The following ZCCHC14 variants were observed in gnomAD, a reference collection of about 807,000 sequenced individuals.
The protein encoded by ZCCHC14 is zinc finger CCHC-type containing 14, also known as zinc finger CCHC domain-containing protein 14.
Under a neutral mutation model 85.0 loss-of-function variants are expected in ZCCHC14, and 16 were observed. The observed-to-expected ratio is 0.19, with a 90% CI of 0.13 to 0.29. The LOEUF (loss-of-function observed/expected upper bound fraction) is 0.29, where lower values mean the gene tolerates loss of function less well. Among genes scored for constraint, ZCCHC14 ranks in the 10% least tolerant of loss-of-function variants. ZCCHC14 has a pLI of 1.00. For missense variants in ZCCHC14, 1,303 were observed against 1,443.5 expected (o/e 0.90, Z 1.58); for synonymous variants, 775 against 630.7 (o/e 1.23, Z -3.43).
chr16:87,421,907 C>G (rs1031057645), intron 4 of ZCCHC14, among the ~76,000 whole-genome samples: 2 of 151,492 alleles, frequency 1.3e-5, no homozygotes, highest in African/African-American at 4.9e-5. Flanking sequence ...GTCTGACATT[C>G]AGTCAACATT....
intron 5 of ZCCHC14, 111 bp from the exon 6 acceptor site, chr16:87,419,988 G>C (rs113799975): frequency 1.3e-5 from 10 of 746,560 alleles, no homozygotes; most frequent in South Asian, 2.1e-5. Flanking sequence ...GAGGAAAAAA[G>C]CCAGAAGTGC....
intron 2 of ZCCHC14, among the ~76,000 whole-genome samples, chr16:87,443,977 C>T (rs1910308805): frequency 7.2e-6 from 1 of 138,460 alleles, no homozygotes; most frequent in Non-Finnish European, 1.5e-5. Context: ...GCGGAGATTA[C>T]AGTGAGCCAA....
chr16:87,484,415 G>A (rs1488068402), intron 1 of ZCCHC14, among the ~76,000 whole-genome samples: 8 of 152,182 alleles, frequency 5.3e-5, no homozygotes, highest in African/African-American at 1.7e-4. Context: ...AAAGAGGTTC[G>A]AGGCAAAAGG....
At chr16:87,474,087 C>T (rs1347010008) in intron 1 of ZCCHC14, 1 of 152,328 alleles carries the variant, frequency 6.6e-6, no homozygotes, top group African/African-American at 2.4e-5. Flanking sequence ...AGATTTACCT[C>T]CCACTGCAGC....
chr16:87,417,997 C>A, intron 7 of ZCCHC14: 2 of 491,920 alleles, frequency 4.1e-6, no homozygotes, highest in Non-Finnish European at 7.2e-6. Context: ...CATATACACA[C>A]ACATGCCTCT....
chr16:87,470,982 AAT>A (rs1351209742), intron 1 of ZCCHC14: 1 of 152,202 alleles, frequency 6.6e-6, no homozygotes, highest in South Asian at 2.1e-4. Flanking sequence ...ACAAGATGTG[AAT>A]GATATGAAAA....
chr16:87,427,600 G>C (rs192100823), intron 3 of ZCCHC14, among the ~76,000 whole-genome samples: 249 of 152,208 alleles, frequency 1.6e-3, no homozygotes, highest in African/African-American at 5.6e-3. Flanking sequence ...TGACTTTAAA[G>C]GATGGTTTAA....
At chr16:87,423,203 C>A (rs571780413) in intron 4 of ZCCHC14, among the ~76,000 whole-genome samples, 6 of 152,146 alleles carry the variant, frequency 3.9e-5, no homozygotes, top group Non-Finnish European at 8.8e-5. Flanking sequence ...CACATGCACA[C>A]GGAGGCAAAG....
chr16:87,418,682 T>C (rs1016589881), intron 7 of ZCCHC14, among the ~76,000 whole-genome samples, 165 bp downstream of exon 7: 1 of 152,226 alleles, frequency 6.6e-6, no homozygotes, highest in Non-Finnish European at 1.5e-5. Context: ...GAGAACTCTT[T>C]TTTTGGAAAT....
At position 87,445,894 on chromosome 16, in the gene ZCCHC14, G is replaced by A. The variant is rs145631377; in HGVS notation, c.695-12693C>T. Among the ~76,000 whole-genome samples, 862 of 152,188 alleles carry A rather than the reference G, an allele frequency of 5.7e-3. 6 individuals carry two copies. Among genetic ancestry groups the A allele is most frequent in the African/African-American group, 0.018 (761 of 41,524 alleles). ...ATTAAAGAAGATTCCATCTAATTACGCATGCTGTTTGGAAATCAACCTATT... is the reference window on the plus strand; with the variant it reads ...ATTAAAGAAGATTCCATCTAATTACACATGCTGTTTGGAAATCAACCTATT... On this transcript the variant is annotated intron_variant, in intron 2 of 12. Coordinates refer to ENST00000671377, the MANE Select transcript of ZCCHC14 (RefSeq NM_015144.3).
chr16:87,462,557 G>C (rs11647751), intron 1 of ZCCHC14, among the ~76,000 whole-genome samples: 1 of 151,188 alleles, frequency 6.6e-6, no homozygotes, highest in Non-Finnish European at 1.5e-5. Context: ...TGGCTAACAC[G>C]GTGAAACCCC....
intron 1 of ZCCHC14, among the ~76,000 whole-genome samples, chr16:87,461,809 G>A (rs569422252): frequency 6.6e-5 from 10 of 152,306 alleles, no homozygotes; most frequent in Admixed American, 5.2e-4. Flanking sequence ...AGTCCATAGC[G>A]AGATCCTCTG....
At chr16:87,413,293 C>A in intron 10 of ZCCHC14, 98 bp from the exon 11 acceptor site, 1 of 1,414,526 alleles carries the variant, frequency 7.1e-7, no homozygotes, top group Non-Finnish European at 9.3e-7. Flanking sequence ...GTGCTCCTTC[C>A]AGGGAAACGC....
chr16:87,418,027 C>G, intron 7 of ZCCHC14: 1 of 452,008 alleles, frequency 2.2e-6, no homozygotes, highest in South Asian at 5.4e-5. Context: ...TCGGAGTATG[C>G]GTCTACTTGT....
At chr16:87,464,717 C>T (rs903794921) in intron 1 of ZCCHC14, among the ~76,000 whole-genome samples, 6 of 152,170 alleles carry the variant, frequency 3.9e-5, no homozygotes, top group Non-Finnish European at 8.8e-5. Context: ...TCACTTTTTC[C>T]AACCAAGCCT....
intron 1 of ZCCHC14, among the ~76,000 whole-genome samples, chr16:87,487,408 C>T (rs547257926): frequency 7.1e-4 from 108 of 152,334 alleles, no homozygotes; most frequent in African/African-American, 2.5e-3. Context: ...CGGGGCCCCG[C>T]CCCTGCCCAC....
At chr16:87,476,637 T>C (rs1163050905) in intron 1 of ZCCHC14, among the ~76,000 whole-genome samples, 3 of 150,712 alleles carry the variant, frequency 2.0e-5, no homozygotes, top group East Asian at 3.9e-4. Context: ...TAAAATGGAA[T>C]TCCATGAATC....
At position 87,428,274 on chromosome 16, in the gene ZCCHC14, T is replaced by G. The variant is rs1380702364; in HGVS notation, c.769-4393A>C. Reference sequence around the variant, plus strand: ...TAAAACGAGAAACAGGCTGAGAAAATCAGTGGGGCAGGGAGAAGTTACTTA... The same window carrying G: ...TAAAACGAGAAACAGGCTGAGAAAAGCAGTGGGGCAGGGAGAAGTTACTTA... On this transcript the variant is annotated intron_variant, in intron 3 of 12. Transcript: ENST00000671377. 8.5e-5 allele frequency among the ~76,000 whole-genome samples: 13 copies of G among 152,086 alleles called. No homozygotes were observed. The East Asian group carries it at 1.7e-3, about 20-fold the overall frequency.
At chr16:87,416,240 CT>C (rs1205008176) in intron 8 of ZCCHC14, among the ~76,000 whole-genome samples, 14 of 151,924 alleles carry the variant, frequency 9.2e-5, no homozygotes, top group Admixed American at 8.5e-4. Flanking sequence ...ATGACAGCAA[CT>C]TTGTCAGGTA....
Sources: allele counts gnomAD v4.1 joint callset (sites outside exome capture counted in the v4.1 genomes callset), GRCh38; gene constraint gnomAD v4.1.1; transcripts MANE v1.5; gene names NCBI Gene and HGNC (gene_info 2026-07-23, HGNC 2026-07-21).